The following LRRC4C variants were observed in gnomAD, a reference collection of about 807,000 sequenced individuals.
The protein encoded by LRRC4C is leucine-rich repeat-containing protein 4C.
Under a neutral mutation model 33.6 loss-of-function variants are expected in LRRC4C, and 5 were observed. That is an observed-to-expected ratio of 0.15 (90% CI 0.08 to 0.31). LRRC4C has a LOEUF of 0.31. Ranked by LOEUF, LRRC4C falls within the 10% of genes least tolerant of loss-of-function variation. The pLI, the probability that LRRC4C is intolerant of heterozygous loss-of-function variation, is 1.00. For missense variants in LRRC4C, 560 were observed against 796.7 expected (o/e 0.70, Z 3.58); for synonymous variants, 329 against 302.0 (o/e 1.09, Z -0.93).
chr11:40,177,085 C>T (rs574395937), intron 5 of LRRC4C, among the ~76,000 whole-genome samples: 31 of 151,858 alleles, frequency 2.0e-4, no homozygotes, highest in Non-Finnish European at 2.8e-4. Context: ...TCCCAAGTAG[C>T]GGGGACTACA....
intron 2 of LRRC4C, among the ~76,000 whole-genome samples, chr11:40,747,593 A>G (rs1197903819): frequency 6.6e-6 from 1 of 152,122 alleles, no homozygotes; most frequent in Admixed American, 6.5e-5. Context: ...TCTAGAAAAA[A>G]GAATTCAAAT....
At chr11:40,797,240 T>A (rs2135236845) in intron 2 of LRRC4C, among the ~76,000 whole-genome samples, 1 of 152,128 alleles carries the variant, frequency 6.6e-6, no homozygotes, top group East Asian at 1.9e-4. Flanking sequence ...TATCTCTGAT[T>A]GGGATATAAA....
intron 3 of LRRC4C, among the ~76,000 whole-genome samples, chr11:40,443,048 A>T (rs1333743418): frequency 6.6e-6 from 1 of 152,200 alleles, no homozygotes; most frequent in Non-Finnish European, 1.5e-5. Flanking sequence ...TAATCTCATT[A>T]CATGTTTAAT....
chr11:41,352,138 C>T (rs1952005099), intron 1 of LRRC4C, among the ~76,000 whole-genome samples: 1 of 152,168 alleles, frequency 6.6e-6, no homozygotes, highest in Non-Finnish European at 1.5e-5. Context: ...CATTCACTGA[C>T]ACCCAGAAGC....
intron 1 of LRRC4C, among the ~76,000 whole-genome samples, chr11:41,395,019 G>A (rs1426511604): frequency 2.0e-5 from 3 of 151,920 alleles, no homozygotes; most frequent in Non-Finnish European, 2.9e-5. Flanking sequence ...CTTCAATAAT[G>A]TCTGAAGGCA....
chr11:40,139,260 A>C (rs932834710), intron 6 of LRRC4C, among the ~76,000 whole-genome samples: 1 of 152,158 alleles, frequency 6.6e-6, no homozygotes, highest in East Asian at 1.9e-4. Flanking sequence ...TGTCAGTTAA[A>C]CTTGCTGCTC....
chr11:40,488,073 C>A (rs1282050138), intron 3 of LRRC4C, among the ~76,000 whole-genome samples: 3 of 152,034 alleles, frequency 2.0e-5, no homozygotes, highest in African/African-American at 7.2e-5. Context: ...CAACTGAGAT[C>A]TTTCAGATTT....
chr11:40,455,883 G>A (rs1365675476), intron 3 of LRRC4C, among the ~76,000 whole-genome samples: 1 of 151,996 alleles, frequency 6.6e-6, no homozygotes, highest in Admixed American at 6.6e-5. Flanking sequence ...TAAACTGCAT[G>A]GAGATGAATA....
intron 2 of LRRC4C, among the ~76,000 whole-genome samples, chr11:40,735,786 G>C (rs1450196386): frequency 6.7e-6 from 1 of 150,282 alleles, no homozygotes; most frequent in African/African-American, 2.5e-5. Context: ...CAGCGTAAAA[G>C]TGTTCCTATT....
intron 2 of LRRC4C, among the ~76,000 whole-genome samples, chr11:40,872,820 T>A (rs4375426): frequency 0.94 from 143,450 of 152,236 alleles, 68,152 homozygotes; most frequent in Middle Eastern, 1. Context: ...CTTCACAGAA[T>A]TATCTTGCTT....
At chr11:40,269,127 C>T (rs1942499523) in intron 4 of LRRC4C, among the ~76,000 whole-genome samples, 1 of 152,048 alleles carries the variant, frequency 6.6e-6, no homozygotes, top group African/African-American at 2.4e-5. Flanking sequence ...TATTTTAGAG[C>T]ATTTTCAGTC....
At chr11:41,316,289 AC>A (rs921347679) in intron 1 of LRRC4C, among the ~76,000 whole-genome samples, 5 of 151,484 alleles carry the variant, frequency 3.3e-5, no homozygotes, top group East Asian at 1.9e-4. Flanking sequence ...ACAAAAAAAA[AC>A]AAACATGAGC....
intron 1 of LRRC4C, among the ~76,000 whole-genome samples, chr11:41,113,641 C>G (rs1941964236): frequency 6.6e-6 from 1 of 152,106 alleles, no homozygotes; most frequent in South Asian, 2.1e-4. Context: ...CGCTTCTTCT[C>G]TACCAAGCAA....
intron 5 of LRRC4C, among the ~76,000 whole-genome samples, chr11:40,211,657 T>C (rs1863615029): frequency 6.6e-6 from 1 of 152,218 alleles, no homozygotes; most frequent in Non-Finnish European, 1.5e-5. Context: ...AATACTTTGT[T>C]TCCCAGAATC....
At chr11:41,147,659 A>AT (rs921545207) in intron 1 of LRRC4C, among the ~76,000 whole-genome samples, 2 of 152,164 alleles carry the variant, frequency 1.3e-5, no homozygotes, top group Admixed American at 6.5e-5. Context: ...ATATTGATAG[A>AT]TTTTTTCACT....
rs371246878 is a variant in LRRC4C at position 40,255,443 on chromosome 11, G to A, written c.-175-13845C>T. Among the ~76,000 whole-genome samples, 226 of 152,270 alleles carry A rather than the reference G, an allele frequency of 1.5e-3. 1 individual carries two copies. Among genetic ancestry groups the A allele is most frequent in the Non-Finnish European group, 2.2e-3 (153 of 68,012 alleles). ...TACAGCAAGGTGATAAACACTCAAC[G>A]TTCTGATATATCTGTCCCCCTACTC... On this transcript the variant is annotated intron_variant, in intron 4 of 6. Coordinates refer to ENST00000528697, the MANE Select transcript of LRRC4C (RefSeq NM_001258419.2).
At chr11:41,345,719 C>T (rs141667667) in intron 1 of LRRC4C, among the ~76,000 whole-genome samples, 2 of 152,176 alleles carry the variant, frequency 1.3e-5, no homozygotes, top group Non-Finnish European at 1.5e-5. Flanking sequence ...TCGGATCCAG[C>T]CCCTACAGAT....
intron 3 of LRRC4C, among the ~76,000 whole-genome samples, chr11:40,407,138 A>C (rs1949991353): frequency 6.6e-6 from 1 of 152,112 alleles, no homozygotes; most frequent in African/African-American, 2.4e-5. Context: ...CTAGATTCAA[A>C]AGACATTTTC....
intron 1 of LRRC4C, among the ~76,000 whole-genome samples, chr11:41,238,486 G>A (rs986365573): frequency 6.6e-6 from 1 of 152,146 alleles, no homozygotes; most frequent in African/African-American, 2.4e-5. Flanking sequence ...GCTTTGGAGA[G>A]GTCCAGCTAC....
Sources: allele counts gnomAD v4.1 joint callset (sites outside exome capture counted in the v4.1 genomes callset), GRCh38; gene constraint gnomAD v4.1.1; transcripts MANE v1.5; gene names NCBI Gene and HGNC (gene_info 2026-07-23, HGNC 2026-07-21).